Variants in AUTS2 observed in about 807,000 individuals in gnomAD.
The protein encoded by AUTS2 is autism susceptibility gene 2 protein.
A neutral mutation model predicts 112.4 loss-of-function variants in AUTS2; 17 were observed. The observed-to-expected ratio is 0.15, with a 90% CI of 0.10 to 0.23. AUTS2 has a LOEUF of 0.23. AUTS2 is among the 10% of genes least tolerant of loss of function. The probability of loss-of-function intolerance (pLI) is 1.00; values close to 1 mark genes in which losing one functional copy is unlikely to be tolerated. For missense variants in AUTS2, 1,510 were observed against 1,701.6 expected (o/e 0.89, Z 1.98); for synonymous variants, 751 against 702.7 (o/e 1.07, Z -1.09).
intron 4 of AUTS2, among the ~76,000 whole-genome samples, chr7:70,176,703 C>T (rs1176146115): frequency 6.6e-6 from 1 of 152,020 alleles, no homozygotes; most frequent in Non-Finnish European, 1.5e-5. Context: ...AGGCTTATTC[C>T]TGAAAATCTT....
intron 6 of AUTS2, among the ~76,000 whole-genome samples, chr7:70,713,073 A>G (rs975010248): frequency 6.6e-6 from 1 of 152,192 alleles, no homozygotes; most frequent in African/African-American, 2.4e-5. Context: ...GGCTCTGCTC[A>G]TCTGAATAGA....
chr7:70,496,559 C>T (rs1409550571), intron 5 of AUTS2, among the ~76,000 whole-genome samples: 8 of 139,192 alleles, frequency 5.7e-5, no homozygotes, highest in Admixed American at 3.6e-4. Context: ...CAGACACACA[C>T]ACACACCCCA....
rs1317923967 is a variant in AUTS2 at position 70,779,757 on chromosome 7, C to T, written c.2005-1858C>T. ...GGGAGATCAGAAGAGTAGCCAGGCA[C>T]GATGGCTCACTCCTCTAATCCAAGC... On this transcript the variant is annotated intron_variant, in intron 14 of 18. Transcript: ENST00000342771. Among the ~76,000 whole-genome samples, 7 of 152,198 alleles carry T rather than the reference C, an allele frequency of 4.6e-5. No homozygotes were observed. The South Asian group carries it at 6.2e-4, about 14-fold the overall frequency.
intron 2 of AUTS2, among the ~76,000 whole-genome samples, chr7:69,983,335 A>G (rs2129550454): frequency 6.6e-6 from 1 of 151,376 alleles, no homozygotes; most frequent in South Asian, 2.1e-4. Flanking sequence ...GGGCATTTAT[A>G]TAAACTTTTT....
At chr7:70,508,337 C>G (rs1022570939) in intron 5 of AUTS2, among the ~76,000 whole-genome samples, 8 of 151,904 alleles carry the variant, frequency 5.3e-5, no homozygotes, top group African/African-American at 1.9e-4. Context: ...AGAATAGTAG[C>G]CAGGGAGAAG....
intron 1 of AUTS2, among the ~76,000 whole-genome samples, chr7:69,696,449 G>A (rs1485765269): frequency 6.6e-6 from 1 of 152,036 alleles, no homozygotes; most frequent in African/African-American, 2.4e-5. Context: ...ATAGCAGCAG[G>A]GTAATTAGGC....
intron 5 of AUTS2, among the ~76,000 whole-genome samples, chr7:70,460,323 C>G (rs912528386): frequency 5.6e-5 from 8 of 143,000 alleles, no homozygotes; most frequent in Non-Finnish European, 1.0e-4. Flanking sequence ...CCAACCTCAG[C>G]AAGGACAGCC....
intron 2 of AUTS2, among the ~76,000 whole-genome samples, chr7:70,076,069 G>C (rs1444241244): frequency 3.9e-5 from 6 of 152,194 alleles, no homozygotes; most frequent in African/African-American, 1.4e-4. Context: ...CAGGCAGCAG[G>C]CTGATTTGGC....
rs148814654 is a variant in AUTS2 at position 69,656,928 on chromosome 7, C to T, written c.309+56966C>T. ...AAGGCTCACACTGGTGTTCACCTTC[C>T]TGGACTTCAGGAAAGATAGTCCTTT... On this transcript the variant is annotated intron_variant, in intron 1 of 18. Coordinates refer to ENST00000342771, the MANE Select transcript of AUTS2 (RefSeq NM_015570.4). Among the ~76,000 whole-genome samples the T allele has an allele frequency of 1.2e-4, 19 of 152,306 alleles. No homozygotes were observed. The East Asian group carries it at 2.5e-3, about 20-fold the overall frequency.
intron 4 of AUTS2, among the ~76,000 whole-genome samples, chr7:70,220,394 CGTGT>C (rs1164166063): frequency 1.3e-5 from 2 of 152,088 alleles, no homozygotes; most frequent in Non-Finnish European, 2.9e-5. Context: ...TAGTATCAGA[CGTGT>C]GTTAGGCAGG....
At chr7:69,648,160 C>T (rs939214544) in intron 1 of AUTS2, among the ~76,000 whole-genome samples, 5 of 152,158 alleles carry the variant, frequency 3.3e-5, no homozygotes, top group African/African-American at 9.7e-5. Context: ...GATTCTGATG[C>T]AGCCTGCATG....
intron 1 of AUTS2, among the ~76,000 whole-genome samples, chr7:69,866,664 T>C (rs1793247358): frequency 1.3e-5 from 2 of 152,198 alleles, no homozygotes; most frequent in African/African-American, 4.8e-5. Flanking sequence ...AATTTTTAGG[T>C]CTTCCTCAAC....
At position 70,302,846 on chromosome 7, in the gene AUTS2, G is replaced by A. The variant is rs1351354892; in HGVS notation, c.661-132906G>A. 2.0e-5 allele frequency among the ~76,000 whole-genome samples: 3 copies of A among 151,502 alleles called. No individual in the cohort carries two copies. The East Asian group carries it at 5.8e-4, about 29-fold the overall frequency. ...CTCATCATGTCCGAGGAGAGAGTAA[G>A]TGGGTGCGTGCATGCGTGCTGCAAG... On this transcript the variant is annotated intron_variant, in intron 4 of 18. Coordinates refer to ENST00000342771, the MANE Select transcript of AUTS2 (RefSeq NM_015570.4).
At chr7:70,595,738 C>T (rs570307216) in intron 5 of AUTS2, among the ~76,000 whole-genome samples, 1 of 152,354 alleles carries the variant, frequency 6.6e-6, no homozygotes, top group South Asian at 2.1e-4. Context: ...CTGTAAATGG[C>T]TTGAGCCCAT....
intron 2 of AUTS2, among the ~76,000 whole-genome samples, chr7:69,973,408 A>G (rs760845716): frequency 7.9e-5 from 12 of 152,296 alleles, no homozygotes; most frequent in Admixed American, 3.9e-4. Context: ...TCTGATATCT[A>G]TGCTTTTTAA....
chr7:70,338,234 C>G (rs974323462), intron 4 of AUTS2, among the ~76,000 whole-genome samples: 3 of 152,162 alleles, frequency 2.0e-5, no homozygotes, highest in African/African-American at 7.2e-5. Flanking sequence ...GTTTTGATTA[C>G]TATAGCAGAT....
At chr7:69,887,290 C>T (rs1030456079) in intron 1 of AUTS2, among the ~76,000 whole-genome samples, 1 of 151,848 alleles carries the variant, frequency 6.6e-6, no homozygotes, top group African/African-American at 2.4e-5. Flanking sequence ...GTGATGTATG[C>T]CTGTAATCCC....
intron 1 of AUTS2, among the ~76,000 whole-genome samples, chr7:69,889,741 T>C (rs1005256043): frequency 4.6e-5 from 7 of 152,158 alleles, no homozygotes; most frequent in African/African-American, 1.7e-4. Context: ...GTTACTTTAG[T>C]GGATTAGATT....
At chr7:70,467,205 G>A (rs1364729842) in intron 5 of AUTS2, among the ~76,000 whole-genome samples, 1 of 152,248 alleles carries the variant, frequency 6.6e-6, no homozygotes, top group Non-Finnish European at 1.5e-5. Context: ...GGTGTAAACA[G>A]AGGTAGATTC....
Sources: allele counts gnomAD v4.1 joint callset (sites outside exome capture counted in the v4.1 genomes callset), GRCh38; gene constraint gnomAD v4.1.1; transcripts MANE v1.5; gene names NCBI Gene and HGNC (gene_info 2026-07-23, HGNC 2026-07-21).